LRFN5: variants seen among roughly 807,000 people sequenced by gnomAD.
The protein encoded by LRFN5 is leucine rich repeat and fibronectin type III domain containing 5.
LRFN5 carries 24 observed loss-of-function variants against 45.6 expected under a neutral mutation model. That is an observed-to-expected ratio of 0.53 (90% CI 0.38 to 0.74). The LOEUF (loss-of-function observed/expected upper bound fraction) is 0.74, where lower values mean the gene tolerates loss of function less well. Ranked by LOEUF, LRFN5 falls within the 30% of genes least tolerant of loss-of-function variation. The probability of loss-of-function intolerance (pLI) is 0.00; values close to 1 mark genes in which losing one functional copy is unlikely to be tolerated. For missense variants in LRFN5, 776 were observed against 861.5 expected (o/e 0.90, Z 1.24); for synonymous variants, 340 against 313.8 (o/e 1.08, Z -0.88).
At chr14:41,611,081 G>A (rs1283075804) in intron 1 of LRFN5, among the ~76,000 whole-genome samples, 1 of 152,114 alleles carries the variant, frequency 6.6e-6, no homozygotes, top group Non-Finnish European at 1.5e-5. Flanking sequence ...CTAAGGACTC[G>A]ATTTTTGCAG....
At chr14:41,623,267 A>T (rs1185193153) in intron 1 of LRFN5, among the ~76,000 whole-genome samples, 4 of 152,032 alleles carry the variant, frequency 2.6e-5, no homozygotes, top group Non-Finnish European at 5.9e-5. Context: ...CCCGAATCTC[A>T]TCTTGATTTG....
chr14:41,794,062 G>A (rs187045332), intron 2 of LRFN5, among the ~76,000 whole-genome samples: 1 of 151,692 alleles, frequency 6.6e-6, no homozygotes, highest in Admixed American at 6.6e-5. Flanking sequence ...CTTTATTCCA[G>A]TGCTTTGGTT....
chr14:41,774,584 C>T (rs1886209025), intron 2 of LRFN5, among the ~76,000 whole-genome samples: 1 of 152,152 alleles, frequency 6.6e-6, no homozygotes, highest in Non-Finnish European at 1.5e-5. Context: ...GTTGAAACTA[C>T]ATGACAAATT....
At chr14:41,881,855 C>T (rs908769222) in intron 2 of LRFN5, among the ~76,000 whole-genome samples, 3 of 152,106 alleles carry the variant, frequency 2.0e-5, no homozygotes, top group African/African-American at 7.2e-5. Flanking sequence ...TAAAATTACC[C>T]ATCAAATCAT....
Position 41,851,720 on chromosome 14 carries a change from A to T in LRFN5, c.-20-34886A>T, listed in dbSNP as rs1345183704. On this transcript the variant is annotated intron_variant, in intron 2 of 5. Transcript: ENST00000298119. ...CAGGTTGGGTGGCTTAAAGTACCAA[A>T]TGCCATAGAAGAGCATATTTTAAAA... 4.0e-5 allele frequency among the ~76,000 whole-genome samples: 6 copies of T among 151,840 alleles called. No homozygotes were observed. In the East Asian group the frequency reaches 1.2e-3, roughly 29 times the overall value.
At chr14:41,756,757 C>T (rs1009054996) in intron 1 of LRFN5, among the ~76,000 whole-genome samples, 1 of 152,166 alleles carries the variant, frequency 6.6e-6, no homozygotes, top group African/African-American at 2.4e-5. Flanking sequence ...TCTTTCAACT[C>T]GTCAAAATCA....
chr14:41,709,495 A>G (rs1056194009), intron 1 of LRFN5, among the ~76,000 whole-genome samples: 2 of 152,036 alleles, frequency 1.3e-5, no homozygotes, highest in Non-Finnish European at 2.9e-5. Context: ...TTATTTTCCC[A>G]TGTATTAATT....
At chr14:41,642,504 C>T (rs1879625916) in intron 1 of LRFN5, among the ~76,000 whole-genome samples, 1 of 152,152 alleles carries the variant, frequency 6.6e-6, no homozygotes, top group African/African-American at 2.4e-5. Context: ...TGAGGTAATG[C>T]ATAGGTCAAC....
intron 2 of LRFN5, among the ~76,000 whole-genome samples, chr14:41,778,872 G>T (rs1375119156): frequency 6.6e-6 from 1 of 151,750 alleles, no homozygotes; most frequent in Non-Finnish European, 1.5e-5. Context: ...TGTTAAGTTT[G>T]TACTCACTTA....
chr14:41,663,303 C>T (rs1313776512), intron 1 of LRFN5, among the ~76,000 whole-genome samples: 1 of 152,034 alleles, frequency 6.6e-6, no homozygotes, highest in Non-Finnish European at 1.5e-5. Flanking sequence ...TCAGAGAGGA[C>T]TCACTTGCAT....
At chr14:41,856,675 A>ATTATTATTATTATTATTTTTTTT in intron 2 of LRFN5, among the ~76,000 whole-genome samples, 1 of 18,326 alleles carries the variant, frequency 5.5e-5, no homozygotes, top group African/African-American at 1.3e-4. Flanking sequence ...TATTATTATT[A>ATTATTATTATTATTATTTTTTTT]TTTTTTTTTT....
chr14:41,864,356 T>C (rs142949193), intron 2 of LRFN5, among the ~76,000 whole-genome samples: 4 of 152,356 alleles, frequency 2.6e-5, no homozygotes, highest in African/African-American at 9.6e-5. Flanking sequence ...TTTTTAATGA[T>C]TGCCATTCTA....
chr14:41,815,327 A>G (rs1429449936), intron 2 of LRFN5, among the ~76,000 whole-genome samples: 1 of 152,114 alleles, frequency 6.6e-6, no homozygotes, highest in Non-Finnish European at 1.5e-5. Flanking sequence ...CCTTGGTCTG[A>G]AGTTTACTCT....
In LRFN5 at chr14:41,757,672, A is replaced by G. The variant is rs528418048; in HGVS notation, c.-196-9182A>G. On this transcript the variant is annotated intron_variant, in intron 1 of 5. Transcript: ENST00000298119. ...CCATCTGTCACCCCTTTCTTTGACT[A>G]GGAAAGGGAATTCCCTGACCCCTTG... Among the ~76,000 whole-genome samples the G allele has an allele frequency of 1.4e-3, 210 of 152,288 alleles. 2 individuals carry two copies. The Middle Eastern group carries it at 0.017, about 12-fold the overall frequency.
At chr14:41,858,669 C>G (rs891438356) in intron 2 of LRFN5, among the ~76,000 whole-genome samples, 2 of 152,168 alleles carry the variant, frequency 1.3e-5, no homozygotes, top group Non-Finnish European at 2.9e-5. Flanking sequence ...ATCTTCAAAG[C>G]AGAATCTTCA....
intron 2 of LRFN5, among the ~76,000 whole-genome samples, chr14:41,795,652 C>T (rs902203422): frequency 3.9e-5 from 6 of 151,972 alleles, no homozygotes; most frequent in Non-Finnish European, 8.8e-5. Flanking sequence ...TGGAAACCAT[C>T]ATTCTCAGCA....
intron 2 of LRFN5, among the ~76,000 whole-genome samples, chr14:41,828,557 C>T (rs1330264699): frequency 6.6e-6 from 1 of 151,826 alleles, no homozygotes; most frequent in Non-Finnish European, 1.5e-5. Context: ...CCTTTTTTCC[C>T]ACTTTTCTCC....
chr14:41,856,679 T>TTTTTTTTTTTTTTA (rs1889476612), intron 2 of LRFN5, among the ~76,000 whole-genome samples: 1 of 60,100 alleles, frequency 1.7e-5, no homozygotes, highest in Non-Finnish European at 3.7e-5. Flanking sequence ...ATTATTATTT[T>TTTTTTTTTTTTTTA]TTTTTTTTTT....
At chr14:41,767,613 A>G (rs951909222) in intron 2 of LRFN5, among the ~76,000 whole-genome samples, 2 of 152,154 alleles carry the variant, frequency 1.3e-5, no homozygotes, top group African/African-American at 4.8e-5. Flanking sequence ...GCATACTAGA[A>G]AAACAAAAGA....
Sources: allele counts gnomAD v4.1 joint callset (sites outside exome capture counted in the v4.1 genomes callset), GRCh38; gene constraint gnomAD v4.1.1; transcripts MANE v1.5; gene names NCBI Gene and HGNC (gene_info 2026-07-23, HGNC 2026-07-21).